The following FBXO36 variants were observed in gnomAD, a reference collection of about 807,000 sequenced individuals.
The protein encoded by FBXO36 is F-box only protein 36.
In FBXO36, 18 loss-of-function variants were observed where a neutral mutation model predicts 17.0. That is an observed-to-expected ratio of 1.06 (90% confidence interval 0.73 to 1.57). The LOEUF (loss-of-function observed/expected upper bound fraction) is 1.57, where lower values mean the gene tolerates loss of function less well. Among genes scored for constraint, FBXO36 ranks in the 40% most tolerant of loss-of-function variants. The pLI is 0.00. For synonymous variants in FBXO36, 83 were observed against 85.3 expected, an observed-to-expected ratio of 0.97 and a Z score of 0.15; for missense variants, 229 against 221.9, an observed-to-expected ratio of 1.03 and a Z score of -0.20.
chr2:229,928,676 A>C (rs1053212611), intron 1 of FBXO36, among the ~76,000 whole-genome samples: 1 of 152,180 alleles, frequency 6.6e-6, no homozygotes, highest in South Asian at 2.1e-4. Flanking sequence ...TGGAAGGAAA[A>C]TAATTCTAAT....
At chr2:229,934,627 A>G (rs562851633) in intron 1 of FBXO36, among the ~76,000 whole-genome samples, 1 of 152,122 alleles carries the variant, frequency 6.6e-6, no homozygotes, top group African/African-American at 2.4e-5. Context: ...GTCAGACTTT[A>G]CCTTTTCTAT....
chr2:229,933,117 G>T (rs952684570), intron 1 of FBXO36, among the ~76,000 whole-genome samples: 3 of 152,198 alleles, frequency 2.0e-5, no homozygotes, highest in African/African-American at 7.2e-5. Context: ...TATATTAGAG[G>T]CTGGGCACGG....
At chr2:230,001,476 C>T (rs951807416) in intron 3 of FBXO36, among the ~76,000 whole-genome samples, 5 of 152,020 alleles carry the variant, frequency 3.3e-5, no homozygotes, top group South Asian at 2.1e-4. Context: ...TTAGTAGACA[C>T]GGGGTTTCGC....
At chr2:230,010,005 T>C (rs1294202004) in intron 3 of FBXO36, among the ~76,000 whole-genome samples, 1 of 152,090 alleles carries the variant, frequency 6.6e-6, no homozygotes, top group Non-Finnish European at 1.5e-5. Flanking sequence ...CTCACGCCTG[T>C]AATCCCAGCA....
intron 1 of FBXO36, among the ~76,000 whole-genome samples, chr2:229,975,568 G>A (rs768994605): frequency 1.3e-5 from 2 of 149,546 alleles, no homozygotes; most frequent in African/African-American, 2.5e-5. Context: ...TCAACCTCAC[G>A]GGCTCAGGGG....
intron 1 of FBXO36, among the ~76,000 whole-genome samples, chr2:229,945,883 A>G (rs1271738654): frequency 6.6e-6 from 1 of 151,720 alleles, no homozygotes; most frequent in Non-Finnish European, 1.5e-5. Context: ...TTAGCCAGGC[A>G]TGTTGGCGCA....
At chr2:230,007,547 T>C (rs1375928966) in intron 3 of FBXO36, among the ~76,000 whole-genome samples, 1 of 152,120 alleles carries the variant, frequency 6.6e-6, no homozygotes, top group African/African-American at 2.4e-5. Context: ...GCACTTGTGC[T>C]CTTAATGTGT....
chr2:229,934,484 C>T (rs976951124), intron 1 of FBXO36, among the ~76,000 whole-genome samples: 5 of 152,228 alleles, frequency 3.3e-5, no homozygotes, highest in Admixed American at 6.5e-5. Context: ...GCTTTTCCTA[C>T]GACCACAGCA....
chr2:229,952,691 C>G (rs1005382056), intron 1 of FBXO36, among the ~76,000 whole-genome samples: 1 of 152,146 alleles, frequency 6.6e-6, no homozygotes, highest in African/African-American at 2.4e-5. Context: ...CTCCCAGCCC[C>G]CCAGCCTCCT....
chr2:229,946,722 G>A (rs2077029050), intron 1 of FBXO36, among the ~76,000 whole-genome samples: 1 of 152,204 alleles, frequency 6.6e-6, no homozygotes, highest in Non-Finnish European at 1.5e-5. Context: ...CTCTTCTAAT[G>A]TAAGCTGTGT....
chr2:229,967,621 A>C (rs919584343), intron 1 of FBXO36, among the ~76,000 whole-genome samples: 1 of 152,228 alleles, frequency 6.6e-6, no homozygotes, highest in Non-Finnish European at 1.5e-5. Context: ...CCTTTTCTGC[A>C]TCTATTGAGA....
At chr2:229,947,904 A>G (rs1577334877) in intron 1 of FBXO36, among the ~76,000 whole-genome samples, 1 of 152,220 alleles carries the variant, frequency 6.6e-6, no homozygotes, top group Admixed American at 6.5e-5. Context: ...AGGATTCAAC[A>G]TCAAGAGTGA....
rs914895071 is a variant in FBXO36 at position 229,937,771 on chromosome 2, C to T, written c.96+15162C>T. 2.6e-5 allele frequency: 4 copies of T among 152,260 alleles called. No individual in the cohort carries two copies. In the South Asian group the frequency reaches 8.3e-4, roughly 32 times the overall value. The allele number at this position is 152,260 out of a possible 1,614,324, so 9.4% of individuals were successfully genotyped here. On this transcript the variant is annotated intron_variant, in intron 1 of 3. Transcript: ENST00000283946. The stretch of plus-strand genomic sequence containing the variant: ...CACTGTAGAACACATGGGTTTCTCT[C>T]TCTTTTTTTTTAAGCAGACTCAGAA...
intron 3 of FBXO36, among the ~76,000 whole-genome samples, chr2:230,006,659 A>G (rs1342116450): frequency 6.6e-6 from 1 of 152,154 alleles, no homozygotes; most frequent in East Asian, 1.9e-4. Flanking sequence ...AAGGAAGAAT[A>G]TGGCTGGGAA....
intron 1 of FBXO36, among the ~76,000 whole-genome samples, chr2:229,951,966 C>G (rs2077059810): frequency 6.6e-6 from 1 of 152,072 alleles, no homozygotes; most frequent in African/African-American, 2.4e-5. Flanking sequence ...AAGTTTTGCA[C>G]TGTGGTCATG....
At chr2:229,980,672 G>C (rs555192190) in intron 2 of FBXO36, among the ~76,000 whole-genome samples, 10 of 152,232 alleles carry the variant, frequency 6.6e-5, no homozygotes, top group Admixed American at 6.5e-4. Flanking sequence ...AACTACTTGA[G>C]GGGTTCTGAT....
intron 2 of FBXO36, among the ~76,000 whole-genome samples, chr2:229,991,738 A>G (rs1261341325): frequency 2.6e-5 from 4 of 152,272 alleles, no homozygotes; most frequent in Non-Finnish European, 4.4e-5. Flanking sequence ...CCACACTTAT[A>G]TATTTCTGTG....
intron 1 of FBXO36, among the ~76,000 whole-genome samples, chr2:229,926,797 A>G (rs947349296): frequency 4.6e-5 from 7 of 152,000 alleles, no homozygotes; most frequent in African/African-American, 1.7e-4. Flanking sequence ...ATTTTCTTAT[A>G]TTGGATTCTA....
At chr2:230,006,517 G>T (rs975721186) in intron 3 of FBXO36, among the ~76,000 whole-genome samples, 5 of 152,162 alleles carry the variant, frequency 3.3e-5, no homozygotes, top group African/African-American at 7.2e-5. Context: ...TACACTTCAG[G>T]GCTCTGTGCA....
Sources: gnomAD v4.1 joint callset for allele counts (sites outside exome capture counted in the v4.1 genomes callset) on GRCh38, gnomAD v4.1.1 for gene constraint, MANE v1.5 for transcripts, NCBI Gene and HGNC (gene_info 2026-07-23, HGNC 2026-07-21) for gene names.